Variants in C9 observed in about 807,000 individuals in gnomAD.
The protein encoded by C9 is complement C9, also known as complement component C9.
In C9, 63 loss-of-function variants were observed where a neutral mutation model predicts 65.4. The observed-to-expected ratio is 0.96, with a 90% CI of 0.79 to 1.19. The LOEUF is 1.19. C9 is among the 50% of genes most tolerant of loss of function. The pLI is 0.00. For missense variants in C9, 744 were observed against 670.1 expected (o/e 1.11, Z -1.22); for synonymous variants, 229 against 227.9 (o/e 1.00, Z -0.04).
intron 1 of C9, among the ~76,000 whole-genome samples, chr5:39,352,017 G>A (rs1243999208): frequency 6.6e-6 from 1 of 152,174 alleles, no homozygotes. Flanking sequence ...TTGACACAGA[G>A]TTCCACAGAT....
intron 4 of C9, among the ~76,000 whole-genome samples, chr5:39,340,924 A>G (rs1754064419): frequency 6.6e-6 from 1 of 152,036 alleles, no homozygotes; most frequent in African/African-American, 2.4e-5. Context: ...CATCTAGTCC[A>G]CTCTACAGAC....
intron 5 of C9, among the ~76,000 whole-genome samples, chr5:39,323,515 T>C (rs770738147): frequency 1.3e-5 from 2 of 150,006 alleles, no homozygotes; most frequent in Non-Finnish European, 3.0e-5. Flanking sequence ...TAGTTTAACA[T>C]ATGCAAATCA....
intron 1 of C9, among the ~76,000 whole-genome samples, chr5:39,347,890 G>C (rs979305195): frequency 1.3e-5 from 2 of 151,200 alleles, no homozygotes. Flanking sequence ...TCTGATCTTT[G>C]ACAAACCTGA....
intron 5 of C9, among the ~76,000 whole-genome samples, chr5:39,320,624 G>GA (rs1218993758): frequency 6.6e-6 from 1 of 151,906 alleles, no homozygotes; most frequent in Non-Finnish European, 1.5e-5. Context: ...AAGAAATAAT[G>GA]ACAGCAAGTT....
At chr5:39,340,699 C>T (rs147306643) in intron 4 of C9, among the ~76,000 whole-genome samples, 19 of 152,288 alleles carry the variant, frequency 1.2e-4, no homozygotes, top group African/African-American at 4.1e-4. Flanking sequence ...GGGTCAGCTC[C>T]AGAATGCTGG....
chr5:39,323,687 C>T (rs1194447360), intron 5 of C9, among the ~76,000 whole-genome samples: 1 of 151,586 alleles, frequency 6.6e-6, no homozygotes, highest in Non-Finnish European at 1.5e-5. Context: ...TAATAAAGGC[C>T]ATATACAACA....
chr5:39,308,439 C>A (rs895376720), intron 7 of C9, 81 bp from the exon 8 acceptor site: 1 of 1,046,882 alleles, frequency 9.6e-7, no homozygotes, highest in South Asian at 1.3e-5. Context: ...TATTTTCAAG[C>A]AACATCCTTA....
At chr5:39,337,555 C>T (rs1753992645) in intron 4 of C9, among the ~76,000 whole-genome samples, 1 of 152,260 alleles carries the variant, frequency 6.6e-6, no homozygotes, top group African/African-American at 2.4e-5. Flanking sequence ...TAGATGCCTG[C>T]TTTCACACCT....
intron 1 of C9, among the ~76,000 whole-genome samples, chr5:39,348,614 G>A (rs909193987): frequency 1.3e-5 from 2 of 152,128 alleles, no homozygotes; most frequent in African/African-American, 2.4e-5. Context: ...TCAGTGTGGC[G>A]ATTCCTCAGG....
intron 4 of C9, among the ~76,000 whole-genome samples, chr5:39,337,513 T>TA (rs1264514144): frequency 5.3e-5 from 8 of 152,220 alleles, no homozygotes; most frequent in African/African-American, 1.9e-4. Context: ...ACCTGGGAAA[T>TA]AAAAAAAGAA....
chr5:39,334,308 C>T (rs565775792), intron 4 of C9, among the ~76,000 whole-genome samples: 56 of 151,776 alleles, frequency 3.7e-4, no homozygotes, highest in Middle Eastern at 3.4e-3. Context: ...GCCGCAACCC[C>T]GTCTGGGAGG....
At chr5:39,359,343 T>C (rs1197873716) in intron 1 of C9, among the ~76,000 whole-genome samples, 1 of 151,784 alleles carries the variant, frequency 6.6e-6, no homozygotes, top group East Asian at 1.9e-4. Flanking sequence ...AATTGGTCAC[T>C]GGGCTCAGGG....
chr5:39,343,533 G>C (rs1294361169), intron 1 of C9, among the ~76,000 whole-genome samples: 6 of 152,322 alleles, frequency 3.9e-5, no homozygotes, highest in African/African-American at 1.4e-4. Context: ...CAGGAAGCTC[G>C]AACTGGGTGG....
At chr5:39,340,833 G>A (rs772922507) in intron 4 of C9, among the ~76,000 whole-genome samples, 9 of 152,124 alleles carry the variant, frequency 5.9e-5, no homozygotes, top group Non-Finnish European at 1.0e-4. Flanking sequence ...TCATGTCAAT[G>A]TTGCTGTGGT....
At chr5:39,352,462 A>C (rs983357826) in intron 1 of C9, among the ~76,000 whole-genome samples, 4 of 152,148 alleles carry the variant, frequency 2.6e-5, no homozygotes, top group African/African-American at 9.7e-5. Context: ...TCCCCTCTCA[A>C]ATATGCTTCT....
intron 5 of C9, among the ~76,000 whole-genome samples, chr5:39,330,699 C>T (rs1469140151): frequency 6.6e-6 from 1 of 151,870 alleles, no homozygotes; most frequent in Non-Finnish European, 1.5e-5. Flanking sequence ...AAAAGATTTC[C>T]TCAGATTTTT....
intron 7 of C9, 124 bp downstream of exon 7, chr5:39,311,013 C>A (rs1753472153): frequency 9.4e-7 from 1 of 1,061,152 alleles, no homozygotes; most frequent in Non-Finnish European, 1.4e-6. Context: ...GAAGAGAGTC[C>A]TCTCAAAGGA....
At chr5:39,322,723 T>C (rs1753683975) in intron 5 of C9, among the ~76,000 whole-genome samples, 1 of 152,104 alleles carries the variant, frequency 6.6e-6, no homozygotes, top group African/African-American at 2.4e-5. Context: ...ACAAATGTAG[T>C]TGGGCCTGCA....
intron 5 of C9, among the ~76,000 whole-genome samples, chr5:39,316,977 G>A (rs189733439): frequency 1.7e-4 from 26 of 152,214 alleles, no homozygotes; most frequent in Middle Eastern, 3.4e-3. Flanking sequence ...CTGTAAAAGC[G>A]TTCCTTTTCC....
Sources: allele counts gnomAD v4.1 joint callset (sites outside exome capture counted in the v4.1 genomes callset), GRCh38; gene constraint gnomAD v4.1.1; transcripts MANE v1.5; gene names NCBI Gene and HGNC (gene_info 2026-07-23, HGNC 2026-07-21).